Variants in RXFP1 observed in about 807,000 individuals in gnomAD.
RXFP1 encodes relaxin family peptide receptor 1, also known as relaxin receptor 1.
A neutral mutation model predicts 89.8 loss-of-function variants in RXFP1; 73 were observed. The ratio of observed to expected loss-of-function variants is 0.81; its 90% CI spans 0.67 to 0.99. RXFP1 has a LOEUF of 0.99. Among genes scored for constraint, RXFP1 ranks in the 50% least tolerant of loss-of-function variants. RXFP1 has a pLI of 0.00. For missense variants in RXFP1, 793 were observed against 895.5 expected (o/e 0.89, Z 1.46); for synonymous variants, 277 against 305.5 (o/e 0.91, Z 0.97).
intron 17 of RXFP1, among the ~76,000 whole-genome samples, chr4:158,649,281 C>A (rs754467751): frequency 6.6e-6 from 1 of 152,134 alleles, no homozygotes; most frequent in Non-Finnish European, 1.5e-5. Context: ...TGTTGAAATT[C>A]TAATCATCAC....
chr4:158,637,890 C>A (rs767360093), intron 12 of RXFP1, 118 bp from the exon 13 acceptor site: 1 of 645,374 alleles, frequency 1.5e-6, no homozygotes. Context: ...TCATCCATTA[C>A]GAGTTATTGT....
At chr4:158,603,682 G>C (rs1000582143) in intron 4 of RXFP1, among the ~76,000 whole-genome samples, 2 of 151,690 alleles carry the variant, frequency 1.3e-5, no homozygotes, top group African/African-American at 4.8e-5. Context: ...ACAAGGTCAG[G>C]AGTTCGAGAC....
intron 1 of RXFP1, among the ~76,000 whole-genome samples, chr4:158,562,291 G>A (rs983673255): frequency 1.3e-5 from 2 of 151,694 alleles, no homozygotes; most frequent in African/African-American, 2.4e-5. Context: ...TTGGGAGGCC[G>A]AGGCGGGCGG....
intron 1 of RXFP1, among the ~76,000 whole-genome samples, chr4:158,551,234 A>G (rs897181581): frequency 6.6e-6 from 1 of 152,202 alleles, no homozygotes; most frequent in African/African-American, 2.4e-5. Context: ...CTACTGCAAG[A>G]TCCTTTTTAT....
chr4:158,588,338 G>A (rs1180515168), intron 2 of RXFP1, among the ~76,000 whole-genome samples: 1 of 151,976 alleles, frequency 6.6e-6, no homozygotes, highest in African/African-American at 2.4e-5. Flanking sequence ...ATCTGTCATT[G>A]TTAAATGGAA....
At chr4:158,645,950 G>A (rs1317234529) in intron 15 of RXFP1, among the ~76,000 whole-genome samples, 2 of 152,102 alleles carry the variant, frequency 1.3e-5, no homozygotes, top group Non-Finnish European at 2.9e-5. Context: ...TTTTTAGTAA[G>A]TTCAATTTCC....
chr4:158,542,109 A>ATATATATATATATATATTTTT, intron 1 of RXFP1, among the ~76,000 whole-genome samples: 48 of 35,186 alleles, frequency 1.4e-3, no homozygotes, highest in Non-Finnish European at 2.1e-3. Context: ...ATATATATAT[A>ATATATATATATATATATTTTT]TTTTTTTTTT....
At chr4:158,595,604 G>A (rs965801940) in intron 3 of RXFP1, among the ~76,000 whole-genome samples, 1 of 152,072 alleles carries the variant, frequency 6.6e-6, no homozygotes, top group Non-Finnish European at 1.5e-5. Context: ...TTTTAAAAAA[G>A]CAAGGCATAG....
At chr4:158,628,785 T>C (rs1237976575) in intron 11 of RXFP1, 76 bp downstream of exon 11, 6 of 695,918 alleles carry the variant, frequency 8.6e-6, no homozygotes, top group Non-Finnish European at 1.4e-5. Context: ...CATGTGTTTA[T>C]ACATTTAAGA....
At chr4:158,625,569 C>T (rs937556842) in intron 9 of RXFP1, among the ~76,000 whole-genome samples, 4 of 152,060 alleles carry the variant, frequency 2.6e-5, no homozygotes, top group Non-Finnish European at 5.9e-5. Flanking sequence ...ATAAATAACA[C>T]CCCATATTCT....
At chr4:158,575,692 T>C (rs1195459230) in intron 2 of RXFP1, among the ~76,000 whole-genome samples, 1 of 152,180 alleles carries the variant, frequency 6.6e-6, no homozygotes, top group Admixed American at 6.5e-5. Flanking sequence ...ACCAGCACCT[T>C]GATCTTGGAC....
chr4:158,649,219 C>A (rs1301857642), intron 17 of RXFP1, among the ~76,000 whole-genome samples: 4 of 152,082 alleles, frequency 2.6e-5, no homozygotes, highest in Non-Finnish European at 2.9e-5. Flanking sequence ...CCTAACAATA[C>A]AATTACTATG....
At chr4:158,620,999 G>A (rs1396533758) in intron 9 of RXFP1, among the ~76,000 whole-genome samples, 5 of 152,024 alleles carry the variant, frequency 3.3e-5, no homozygotes, top group African/African-American at 4.8e-5. Context: ...TTAGCTGGGC[G>A]TGGTGGTGGG....
chr4:158,619,399 G>C (rs1363962276), intron 9 of RXFP1, among the ~76,000 whole-genome samples: 1 of 152,122 alleles, frequency 6.6e-6, no homozygotes, highest in Admixed American at 6.6e-5. Flanking sequence ...AGAAGATGTG[G>C]GACATACATA....
In RXFP1 at chr4:158,651,755, A is replaced by G. The variant is rs753307478; in HGVS notation, c.1976-2A>G. 6 of 1,584,980 alleles carry G rather than the reference A, an allele frequency of 3.8e-6. No homozygotes were observed. The highest frequency in any genetic ancestry group is 1.4e-5 in the African/African-American group (1 of 73,234). On this transcript the variant is annotated splice_acceptor_variant, in intron 17 of 17. Coordinates refer to ENST00000307765, the MANE Select transcript of RXFP1 (RefSeq NM_021634.4). LOFTEE classifies it high-confidence loss of function. ...TAAAACTATTTCATTTTTCTTTTTT[A>G]GGTACCATAACCTCTTGGGTAGTGA...
intron 8 of RXFP1, among the ~76,000 whole-genome samples, chr4:158,612,672 G>A (rs867215091): frequency 1.4e-4 from 21 of 150,150 alleles, no homozygotes; most frequent in Middle Eastern, 3.4e-3. Context: ...GTGCAGTGGC[G>A]TGACCTTGGC....
At chr4:158,595,312 A>T (rs1279717362) in intron 3 of RXFP1, among the ~76,000 whole-genome samples, 5 of 152,218 alleles carry the variant, frequency 3.3e-5, no homozygotes, top group Non-Finnish European at 7.4e-5. Context: ...TTCACTACAA[A>T]ATGGTGGAGA....
intron 1 of RXFP1, among the ~76,000 whole-genome samples, chr4:158,561,455 A>G (rs1274951493): frequency 6.6e-6 from 1 of 152,162 alleles, no homozygotes; most frequent in African/African-American, 2.4e-5. Context: ...ATGTGTATAA[A>G]GTATATATGA....
At chr4:158,606,336 T>C (rs1354837671) in intron 5 of RXFP1, among the ~76,000 whole-genome samples, 3 of 152,204 alleles carry the variant, frequency 2.0e-5, no homozygotes. Context: ...CTAACCACCA[T>C]ACTAATGTGG....
Sources: allele counts gnomAD v4.1 joint callset (sites outside exome capture counted in the v4.1 genomes callset), GRCh38; gene constraint gnomAD v4.1.1; transcripts MANE v1.5; gene names NCBI Gene and HGNC (gene_info 2026-07-23, HGNC 2026-07-21).